Variants in DCAF5 observed in about 807,000 individuals in gnomAD.
DCAF5 encodes DDB1 and CUL4 associated factor 5, also known as DDB1- and CUL4-associated factor 5.
In DCAF5, 9 loss-of-function variants were observed where a neutral mutation model predicts 80.7. The ratio of observed to expected loss-of-function variants is 0.11; its 90% CI spans 0.07 to 0.19. The LOEUF (loss-of-function observed/expected upper bound fraction) is 0.19. DCAF5 is among the 10% of genes least tolerant of loss of function. DCAF5 has a pLI of 1.00. For missense variants in DCAF5, 842 were observed against 1,205.7 expected, an observed-to-expected ratio of 0.70 and a Z score of 4.47; for synonymous variants, 433 against 461.9, an observed-to-expected ratio of 0.94 and a Z score of 0.80.
chr14:69,140,911 A>G (rs970065674), intron 1 of DCAF5, among the ~76,000 whole-genome samples: 4 of 152,048 alleles, frequency 2.6e-5, no homozygotes, highest in Admixed American at 1.3e-4. Flanking sequence ...CCGCCTAGGG[A>G]CTGAACTCTG....
chr14:69,100,471 G>T (rs2039909984), intron 5 of DCAF5, among the ~76,000 whole-genome samples: 1 of 152,094 alleles, frequency 6.6e-6, no homozygotes, highest in Non-Finnish European at 1.5e-5. Flanking sequence ...ATTTTCAAAG[G>T]TCTCTGAAAT....
intron 7 of DCAF5, among the ~76,000 whole-genome samples, chr14:69,069,534 A>C (rs1231126881): frequency 6.6e-6 from 1 of 152,216 alleles, no homozygotes. Context: ...TCCTGGGCTC[A>C]AGCAATAGTC....
rs749359867 is a variant in DCAF5 at position 69,118,563 on chromosome 14, T to C, written c.396-285A>G. Reference sequence around the variant, plus strand: ...TTTTGTATTTTCATTTATTACAGAATGCATCTGCTTGTGTACAGATTTGGG... The same window carrying C: ...TTTTGTATTTTCATTTATTACAGAACGCATCTGCTTGTGTACAGATTTGGG... On this transcript the variant is annotated intron_variant, in intron 3 of 8. Transcript: ENST00000341516. This position sits in a 1 kb window ranked among gnomAD's most constrained non-coding sequence, Gnocchi z 4.0. 2.0e-5 allele frequency among the ~76,000 whole-genome samples: 3 copies of C among 152,226 alleles called. No homozygotes were observed. Among genetic ancestry groups the C allele is most frequent in the African/African-American group, 7.2e-5 (3 of 41,462 alleles).
rs2041740710 is a variant in DCAF5, at chr14:69,152,557, C to T, written c.214+208G>A. 1 of 580,120 alleles carries T rather than the reference C, an allele frequency of 1.7e-6. No individual in the cohort carries two copies. The highest frequency in any genetic ancestry group is 3.1e-6 in the Non-Finnish European group (1 of 325,174). 35.9% of individuals were successfully genotyped at this position (580,120 alleles called of 1,614,324 possible). A position where few individuals can be genotyped will look rare whatever the true frequency, so the allele number is the denominator to read the frequency against. On this transcript the variant is annotated intron_variant, in intron 1 of 8. Coordinates refer to ENST00000341516, the MANE Select transcript of DCAF5 (RefSeq NM_003861.3). This position sits in a 1 kb window ranked among gnomAD's most constrained non-coding sequence, Gnocchi z 4.1. ...TAAAGCGAATTAAGGAGCTGTCAAC[C>T]ATTTTAGGTCTTTTTTATAGAAGAC...
chr14:69,125,824 A>G (rs1214256830), intron 1 of DCAF5, among the ~76,000 whole-genome samples: 2 of 152,220 alleles, frequency 1.3e-5, no homozygotes. Flanking sequence ...TCGAAAGGAT[A>G]TGAAAGGGAT....
At chr14:69,125,720 C>A (rs1012911609) in intron 1 of DCAF5, among the ~76,000 whole-genome samples, 2 of 152,018 alleles carry the variant, frequency 1.3e-5, no homozygotes, top group African/African-American at 2.4e-5. Context: ...GGAGTCTAAA[C>A]ACAATGGAAC....
chr14:69,051,742 G>C lies in DCAF5; in HGVS notation c.*2115C>G, dbSNP rs888952491. On this transcript the variant is annotated 3_prime_UTR_variant, in exon 9 of 9. Transcript: ENST00000341516. ...GAAGATATGTATCCGATTGTCCTTT[G>C]AGAAGTCAGAAGAGGCTAAGTACTT... is the stretch of plus-strand genomic sequence containing the variant. The C allele has an allele frequency of 6.6e-6, 1 of 152,518 alleles. No homozygotes were observed. The highest frequency in any genetic ancestry group is 2.4e-5 in the African/African-American group (1 of 41,410). 9.4% of individuals were successfully genotyped at this position (152,518 alleles called of 1,614,324 possible).
intron 4 of DCAF5, 143 bp downstream of exon 4, chr14:69,117,996 T>C: frequency 8.3e-7 from 1 of 1,210,728 alleles, no homozygotes; most frequent in Non-Finnish European, 1.2e-6. Context: ...CAAAGACCTC[T>C]TATGCCCCCA....
At chr14:69,056,064 A>G (rs1007271027) in intron 8 of DCAF5, among the ~76,000 whole-genome samples, 13 of 152,190 alleles carry the variant, frequency 8.5e-5, no homozygotes, top group African/African-American at 2.9e-4. Flanking sequence ...CTTTTCCCAA[A>G]TGAAAACAGA....
At chr14:69,089,984 G>A (rs1259480015) in intron 6 of DCAF5, 2 of 985,280 alleles carry the variant, frequency 2.0e-6, no homozygotes, top group Non-Finnish European at 2.4e-6. Context: ...GTCTTCTAAG[G>A]TCCATGAAGA....
At chr14:69,108,821 G>T (rs1222754805) in intron 5 of DCAF5, among the ~76,000 whole-genome samples, 1 of 152,094 alleles carries the variant, frequency 6.6e-6, no homozygotes, top group Non-Finnish European at 1.5e-5. Flanking sequence ...GCTAATCATT[G>T]TGACGAGCAA....
At position 69,118,191 on chromosome 14, in the gene DCAF5, G is replaced by A; in HGVS notation, c.483C>T (p.Ser161=). The A allele has an allele frequency of 6.2e-7, 1 of 1,613,990 alleles. No individual in the cohort carries two copies. ...AAATGAGAACCCGGCCATCATCTGAGGAACTGGCAAAAATGTTGTCATTCA... is the reference window on the plus strand; with the variant it reads ...AAATGAGAACCCGGCCATCATCTGAAGAACTGGCAAAAATGTTGTCATTCA... ...SPVNDNIFAS[S]SDDGRVLIWD... The change falls in exon 4 of 9, where the codon TCC becomes TCT. Residue 161 remains serine, a synonymous_variant. Transcript: ENST00000341516. This position sits in a 1 kb window ranked among gnomAD's most constrained non-coding sequence, Gnocchi z 4.0.
chr14:69,109,941 T>C (rs1472061954), intron 5 of DCAF5, among the ~76,000 whole-genome samples: 1 of 152,226 alleles, frequency 6.6e-6, no homozygotes, highest in African/African-American at 2.4e-5. Flanking sequence ...ACCTAAAATG[T>C]ATGAGTGTTT....
At position 69,053,771 on chromosome 14, in the gene DCAF5, G is replaced by C; in HGVS notation, c.*86C>G. On this transcript the variant is annotated 3_prime_UTR_variant, in exon 9 of 9. Coordinates refer to ENST00000341516, the MANE Select transcript of DCAF5 (RefSeq NM_003861.3). ...CTGGTTTCATGTGCCTTTAATACTTGTTTTTCCTTTCCTCTGTATTCACTA... is the reference window on the plus strand; with the variant it reads ...CTGGTTTCATGTGCCTTTAATACTTCTTTTTCCTTTCCTCTGTATTCACTA... 3 of 1,342,498 alleles carry C rather than the reference G, an allele frequency of 2.2e-6. No individual in the cohort carries two copies. The highest frequency in any genetic ancestry group is 2.0e-6 in the Non-Finnish European group (2 of 1,006,588). 83.2% of individuals were successfully genotyped at this position (1,342,498 alleles called of 1,614,324 possible).
At chr14:69,124,982 T>C (rs1451936281) in intron 1 of DCAF5, among the ~76,000 whole-genome samples, 1 of 152,190 alleles carries the variant, frequency 6.6e-6, no homozygotes, top group Non-Finnish European at 1.5e-5. Context: ...TCCCTCTGCC[T>C]CAGTTTCATC....
chr14:69,150,714 C>T (rs1423484803), intron 1 of DCAF5, among the ~76,000 whole-genome samples: 1 of 140,908 alleles, frequency 7.1e-6, no homozygotes, highest in Admixed American at 7.0e-5. Context: ...AGGGAGACTC[C>T]ACCTCTACAA....
At chr14:69,057,269 CAAAGAG>C (rs2038013095) in intron 8 of DCAF5, among the ~76,000 whole-genome samples, 1 of 151,942 alleles carries the variant, frequency 6.6e-6, no homozygotes, top group Non-Finnish European at 1.5e-5. Flanking sequence ...ACTATCTCTG[CAAAGAG>C]ATGTCTAAGG....
At position 69,137,236 on chromosome 14, in the gene DCAF5, A is replaced by G. The variant is rs571457229; in HGVS notation, c.215-14876T>C. ...AAAGTTCCTCAAATAGAGCTGGGGG[A>G]CACTAAAAACGGGTTCTTAGGCCCT... is the stretch of plus-strand genomic sequence containing the variant. On this transcript the variant is annotated intron_variant, in intron 1 of 8. Coordinates refer to ENST00000341516, the MANE Select transcript of DCAF5 (RefSeq NM_003861.3). Among the ~76,000 whole-genome samples the G allele has an allele frequency of 3.3e-5, 5 of 152,252 alleles. No individual in the cohort carries two copies. The East Asian group carries it at 9.7e-4, about 29-fold the overall frequency.
At chr14:69,102,591 G>GAGACACACACACAC (rs2039996571) in intron 5 of DCAF5, among the ~76,000 whole-genome samples, 1 of 124,880 alleles carries the variant, frequency 8.0e-6, no homozygotes, top group South Asian at 2.9e-4. Flanking sequence ...TAAAAACAAA[G>GAGACACACACACAC]ACACACACAC....
Sources: gnomAD v4.1 joint callset for allele counts (sites outside exome capture counted in the v4.1 genomes callset) on GRCh38, gnomAD v4.1.1 for gene constraint, Gnocchi (gnomAD v3.1) non-coding constraint, MANE v1.5 for transcripts, NCBI Gene and HGNC (gene_info 2026-07-23, HGNC 2026-07-21) for gene names.